Variants in LSAMP observed in about 807,000 individuals in gnomAD.
The protein encoded by LSAMP is limbic system associated membrane protein, also known as limbic system-associated membrane protein.
In LSAMP, 7 loss-of-function variants were observed where a neutral mutation model predicts 38.6. The ratio of observed to expected loss-of-function variants is 0.18; its 90% CI spans 0.10 to 0.34. LSAMP has a LOEUF of 0.34. LSAMP is among the 10% of genes least tolerant of loss of function. The pLI is 1.00. For synonymous variants in LSAMP, 154 were observed against 166.8 expected, an observed-to-expected ratio of 0.92 and a Z score of 0.59; for missense variants, 313 against 420.0, an observed-to-expected ratio of 0.75 and a Z score of 2.23.
At chr3:115,869,719 G>A (rs1484097978) in intron 3 of LSAMP, among the ~76,000 whole-genome samples, 1 of 151,924 alleles carries the variant, frequency 6.6e-6, no homozygotes, top group Non-Finnish European at 1.5e-5. Context: ...TTACCTCTTA[G>A]ACTTTGAGAA....
intron 1 of LSAMP, among the ~76,000 whole-genome samples, chr3:116,439,951 G>T (rs1170634296): frequency 6.6e-6 from 1 of 152,176 alleles, no homozygotes; most frequent in Non-Finnish European, 1.5e-5. Context: ...TCAATCTCTT[G>T]ACCTTGTGAT....
chr3:116,082,675 G>A (rs1189363754), intron 2 of LSAMP, among the ~76,000 whole-genome samples: 1 of 152,052 alleles, frequency 6.6e-6, no homozygotes, highest in Non-Finnish European at 1.5e-5. Context: ...AGAAAATGTG[G>A]TATATATACA....
At position 115,909,903 on chromosome 3, in the gene LSAMP, T is replaced by G. The variant is rs1429496208; in HGVS notation, c.515-57286A>C. ...GTTTAAAATATCTGTGTTTCACTCTTCTAAAAAGAAAACAAAAATTTATCC... is the reference window on the plus strand; with the variant it reads ...GTTTAAAATATCTGTGTTTCACTCTGCTAAAAAGAAAACAAAAATTTATCC... On this transcript the variant is annotated intron_variant, in intron 3 of 6. Transcript: ENST00000490035. 3.3e-5 allele frequency among the ~76,000 whole-genome samples: 5 copies of G among 152,336 alleles called. No homozygotes were observed. The East Asian group carries it at 9.6e-4, about 29-fold the overall frequency.
intron 3 of LSAMP, among the ~76,000 whole-genome samples, chr3:115,978,579 GTAT>G (rs1300501889): frequency 2.6e-5 from 4 of 151,722 alleles, no homozygotes; most frequent in Non-Finnish European, 5.9e-5. Flanking sequence ...CAGAAATGCA[GTAT>G]TATTAGCAGT....
chr3:115,979,476 T>G (rs771109979), intron 3 of LSAMP, among the ~76,000 whole-genome samples: 1 of 152,184 alleles, frequency 6.6e-6, no homozygotes, highest in Non-Finnish European at 1.5e-5. Context: ...ATACAAGTAT[T>G]GCTTAGCAGC....
chr3:116,429,252 G>C (rs1439095529), intron 1 of LSAMP, among the ~76,000 whole-genome samples: 1 of 152,138 alleles, frequency 6.6e-6, no homozygotes, highest in African/African-American at 2.4e-5. Context: ...GCACTTTTAG[G>C]TAAATTAAAG....
chr3:115,914,616 A>G (rs1398869850), intron 3 of LSAMP, among the ~76,000 whole-genome samples: 1 of 152,190 alleles, frequency 6.6e-6, no homozygotes, highest in Non-Finnish European at 1.5e-5. Context: ...CTAGTGGACT[A>G]GAGAGGCTTC....
chr3:116,343,184 T>C (rs1375556580), intron 1 of LSAMP, among the ~76,000 whole-genome samples: 1 of 152,254 alleles, frequency 6.6e-6, no homozygotes, highest in Non-Finnish European at 1.5e-5. Context: ...CTGCACCTAC[T>C]TGTGATGGAT....
At chr3:116,204,423 A>G (rs539612599) in intron 1 of LSAMP, among the ~76,000 whole-genome samples, 2 of 151,986 alleles carry the variant, frequency 1.3e-5, no homozygotes, top group Admixed American at 1.3e-4. Flanking sequence ...CCATTTGTCA[A>G]TTTTGTCTTT....
chr3:116,243,013 A>T (rs2046558881), intron 1 of LSAMP, among the ~76,000 whole-genome samples: 1 of 152,178 alleles, frequency 6.6e-6, no homozygotes, highest in Non-Finnish European at 1.5e-5. Flanking sequence ...TTAAGAGAGG[A>T]TGGAAGAGAA....
intron 1 of LSAMP, among the ~76,000 whole-genome samples, chr3:116,380,677 CTT>C (rs1161847693): frequency 5.9e-5 from 9 of 152,020 alleles, no homozygotes; most frequent in South Asian, 2.1e-4. Context: ...AGCTCTATAA[CTT>C]AATGCATTCT....
intron 1 of LSAMP, among the ~76,000 whole-genome samples, chr3:116,103,836 A>C (rs1321969200): frequency 2.0e-5 from 3 of 152,196 alleles, no homozygotes; most frequent in African/African-American, 7.2e-5. Context: ...ATTTGAGTGC[A>C]CAAAAATCCT....
chr3:116,421,543 T>TAAA (rs113227325), intron 1 of LSAMP, among the ~76,000 whole-genome samples: 1 of 136,458 alleles, frequency 7.3e-6, no homozygotes, highest in Non-Finnish European at 1.6e-5. Flanking sequence ...AGATTCTGTC[T>TAAA]AAAAAAAAAA....
At chr3:116,164,560 G>A (rs1487935881) in intron 1 of LSAMP, among the ~76,000 whole-genome samples, 1 of 100,912 alleles carries the variant, frequency 9.9e-6, no homozygotes, top group Non-Finnish European at 2.0e-5. Flanking sequence ...TCAACATGGG[G>A]TCACTAATCC....
intron 3 of LSAMP, among the ~76,000 whole-genome samples, chr3:115,876,941 C>T (rs1936196070): frequency 6.6e-6 from 1 of 152,060 alleles, no homozygotes; most frequent in Non-Finnish European, 1.5e-5. Context: ...CACTCTCTCC[C>T]CTCCCTAACT....
intron 3 of LSAMP, among the ~76,000 whole-genome samples, chr3:115,935,316 G>C (rs1434055057): frequency 6.6e-6 from 1 of 152,168 alleles, no homozygotes; most frequent in Non-Finnish European, 1.5e-5. Flanking sequence ...CAGAAGCCCT[G>C]AGGGATGACT....
chr3:116,116,021 T>C (rs1024106202), intron 1 of LSAMP, among the ~76,000 whole-genome samples: 4 of 151,688 alleles, frequency 2.6e-5, no homozygotes, highest in Admixed American at 6.6e-5. Flanking sequence ...TCCTCTCATT[T>C]TTTTTTTCTT....
At chr3:115,823,715 A>G (rs977522951) in intron 6 of LSAMP, among the ~76,000 whole-genome samples, 10 of 152,258 alleles carry the variant, frequency 6.6e-5, no homozygotes, top group Admixed American at 3.3e-4. Context: ...TTAGTTTGAC[A>G]ACATTACAAG....
At chr3:116,083,504 G>GCAACT (rs1466029090) in intron 2 of LSAMP, among the ~76,000 whole-genome samples, 1 of 152,212 alleles carries the variant, frequency 6.6e-6, no homozygotes, top group Non-Finnish European at 1.5e-5. Flanking sequence ...ATCAAGCAAT[G>GCAACT]CAACTCTGCA....
Sources: allele counts gnomAD v4.1 joint callset (sites outside exome capture counted in the v4.1 genomes callset), GRCh38; gene constraint gnomAD v4.1.1; transcripts MANE v1.5; gene names NCBI Gene and HGNC (gene_info 2026-07-23, HGNC 2026-07-21).